Variants in FAM222B observed in about 807,000 individuals in gnomAD.
FAM222B encodes protein FAM222B.
FAM222B carries 12 observed loss-of-function variants against 38.0 expected under a neutral mutation model. The observed-to-expected ratio is 0.32, with a 90% confidence interval of 0.20 to 0.51. The LOEUF is 0.51. Among genes scored for constraint, FAM222B ranks in the 20% least tolerant of loss-of-function variants. FAM222B has a pLI of 0.97. For missense variants in FAM222B, 716 were observed against 754.2 expected (o/e 0.95, Z 0.59); for synonymous variants, 329 against 317.2 (o/e 1.04, Z -0.40).
chr17:28,845,252 T>G (rs1249781502), upstream of FAM222B, among the ~76,000 whole-genome samples: 2 of 151,380 alleles, frequency 1.3e-5, no homozygotes, highest in African/African-American at 4.9e-5. Context: ...ATATAAAAAA[T>G]TAGCCGGGCA....
chr17:28,839,976 C>G (rs142453810), intron 1 of FAM222B, among the ~76,000 whole-genome samples: 2 of 151,938 alleles, frequency 1.3e-5, no homozygotes, highest in Non-Finnish European at 1.5e-5. Flanking sequence ...AGACCAATCA[C>G]TCATCAATTG....
At chr17:28,840,212 C>T (rs1021092511) in intron 1 of FAM222B, among the ~76,000 whole-genome samples, 1 of 151,928 alleles carries the variant, frequency 6.6e-6, no homozygotes, top group South Asian at 2.1e-4. Flanking sequence ...ACTAAAAATA[C>T]AAAAACTAGC....
intron 1 of FAM222B, among the ~76,000 whole-genome samples, chr17:28,824,377 G>A: frequency 6.6e-6 from 1 of 151,480 alleles, no homozygotes; most frequent in East Asian, 1.9e-4. Context: ...GTAGACACAG[G>A]GTCTCTCTAT....
At chr17:28,789,285 A>G (rs985324993) in intron 1 of FAM222B, among the ~76,000 whole-genome samples, 2 of 148,132 alleles carry the variant, frequency 1.4e-5, no homozygotes, top group African/African-American at 5.0e-5. Flanking sequence ...TGCAACCTCT[A>G]CCTCCTGGGT....
At chr17:28,843,255 A>G (rs1037776039), upstream of FAM222B, among the ~76,000 whole-genome samples, 2 of 149,728 alleles carry the variant, frequency 1.3e-5, no homozygotes, top group African/African-American at 4.9e-5. Flanking sequence ...CTCCTGCCTC[A>G]GCCTCCCGAG....
intron 1 of FAM222B, among the ~76,000 whole-genome samples, chr17:28,767,732 T>C (rs1028026976): frequency 1.3e-5 from 2 of 152,102 alleles, no homozygotes; most frequent in African/African-American, 4.8e-5. Flanking sequence ...CGCCTCAGCT[T>C]CCCAAAGTGC....
At chr17:28,769,423 C>T (rs957477028) in intron 1 of FAM222B, among the ~76,000 whole-genome samples, 4 of 151,862 alleles carry the variant, frequency 2.6e-5, no homozygotes, top group Admixed American at 1.3e-4. Flanking sequence ...CCTCATGATC[C>T]GCCCGCCTCG....
At chr17:28,790,884 C>CTTTTTTTTTTTTTTTT (rs60664262) in intron 1 of FAM222B, among the ~76,000 whole-genome samples, 11 of 86,086 alleles carry the variant, frequency 1.3e-4, no homozygotes, top group Non-Finnish European at 2.4e-4. Context: ...AATTGTTTCA[C>CTTTTTTTTTTTTTTTT]TTTTTTTTTT....
intron 1 of FAM222B, among the ~76,000 whole-genome samples, chr17:28,803,949 C>T (rs1365188534): frequency 1.3e-5 from 2 of 152,042 alleles, no homozygotes; most frequent in East Asian, 3.9e-4. Flanking sequence ...CCACTGCGCT[C>T]CAGCCTGGGT....
chr17:28,777,168 AAG>A (rs1289890775), intron 1 of FAM222B: 1 of 152,164 alleles, frequency 6.6e-6, no homozygotes, highest in East Asian at 1.9e-4. Context: ...AACAGCAAGG[AAG>A]AGAGATGGGT....
intron 1 of FAM222B, among the ~76,000 whole-genome samples, chr17:28,839,161 C>T (rs1365440011): frequency 2.0e-5 from 3 of 152,022 alleles, no homozygotes; most frequent in African/African-American, 4.8e-5. Flanking sequence ...GAGCCGAGAT[C>T]GCGCCACTGC....
At position 28,764,378 on chromosome 17, in the gene FAM222B, G is replaced by A. The variant is rs371564887; in HGVS notation, c.82+2208C>T. Among the ~76,000 whole-genome samples, 19 of 152,136 alleles carry A rather than the reference G, an allele frequency of 1.2e-4. No individual in the cohort carries two copies. In the East Asian group the frequency reaches 2.9e-3, roughly 23 times the overall value. ...AATCACTTGAACTTGGGAGGCGGAG[G>A]TTGCAGTGAGCCGAGATCGTGCCAC... On this transcript the variant is annotated intron_variant, in intron 2 of 2. Coordinates refer to ENST00000581407, the MANE Select transcript of FAM222B (RefSeq NM_001077498.3).
At chr17:28,849,188 G>A (rs1237560668) in intron 1 of FAM222B, 3 of 150,944 alleles carry the variant, frequency 2.0e-5, no homozygotes, top group African/African-American at 7.3e-5. Flanking sequence ...GAGAACCCGG[G>A]AAGCGGAGCT....
intron 1 of FAM222B, among the ~76,000 whole-genome samples, chr17:28,838,749 A>C (rs2152627213): frequency 6.6e-6 from 1 of 151,750 alleles, no homozygotes; most frequent in African/African-American, 2.4e-5. Flanking sequence ...TCTACTAAAA[A>C]TACAAAAATC....
chr17:28,843,773 C>A (rs548187411), upstream of FAM222B, among the ~76,000 whole-genome samples: 4 of 151,896 alleles, frequency 2.6e-5, no homozygotes, highest in African/African-American at 7.3e-5. Context: ...TCAAGATGAT[C>A]GTGTCTAGAA....
In FAM222B at chr17:28,758,234, G is replaced by A. The variant is rs767107002; in HGVS notation, c.*36C>T. The A allele has an allele frequency of 2.0e-6, 3 of 1,481,510 alleles. No homozygotes were observed. Among genetic ancestry groups the A allele is most frequent in the Admixed American group, 4.3e-5 (2 of 46,476 alleles). 91.8% of individuals were successfully genotyped at this position (1,481,510 alleles called of 1,614,324 possible). A position where few individuals can be genotyped will look rare whatever the true frequency, so the allele number is the denominator to read the frequency against. ...AAAAGACTAAACCTAGGAGGGTGAT[G>A]TATGATGTGTTGCACGTGGAGGGCA... On this transcript the variant is annotated 3_prime_UTR_variant, in exon 3 of 3. Coordinates refer to ENST00000581407, the MANE Select transcript of FAM222B (RefSeq NM_001077498.3).
chr17:28,809,348 G>A (rs1484493846), intron 1 of FAM222B, among the ~76,000 whole-genome samples: 45 of 136,194 alleles, frequency 3.3e-4, no homozygotes, highest in Non-Finnish European at 5.3e-4. Context: ...GCGAGACTCC[G>A]TCTCAAAAAA....
chr17:28,760,211 T>C (rs541156622), intron 2 of FAM222B, among the ~76,000 whole-genome samples: 22 of 152,114 alleles, frequency 1.4e-4, no homozygotes, highest in Non-Finnish European at 3.1e-4. Context: ...TCTTTCAAAG[T>C]CTCATATCTT....
chr17:28,793,756 T>C (rs980581267), intron 1 of FAM222B, among the ~76,000 whole-genome samples: 6 of 151,706 alleles, frequency 4.0e-5, no homozygotes, highest in Admixed American at 6.6e-5. Flanking sequence ...TTTTTTTTTT[T>C]TTTTTTGAGA....
Sources: gnomAD v4.1 joint callset for allele counts (sites outside exome capture counted in the v4.1 genomes callset) on GRCh38, gnomAD v4.1.1 for gene constraint, MANE v1.5 for transcripts, NCBI Gene and HGNC (gene_info 2026-07-23, HGNC 2026-07-21) for gene names.